PACRGL: variants seen among roughly 807,000 people sequenced by gnomAD.
PACRGL encodes PACRG-like protein.
In PACRGL, 38 loss-of-function variants were observed where a neutral mutation model predicts 34.5. That is an observed-to-expected ratio of 1.10 (90% CI 0.85 to 1.44). The LOEUF (loss-of-function observed/expected upper bound fraction) is 1.44. PACRGL is among the 40% of genes most tolerant of loss of function. The pLI, the probability that PACRGL is intolerant of heterozygous loss-of-function variation, is 0.00. For synonymous variants in PACRGL, 128 were observed against 100.1 expected (o/e 1.28, Z -1.66); for missense variants, 305 against 281.4 (o/e 1.08, Z -0.60).
At chr4:20,739,333 T>G (rs370490342) in intron 8 of PACRGL, among the ~76,000 whole-genome samples, 1 of 152,254 alleles carries the variant, frequency 6.6e-6, no homozygotes, top group African/African-American at 2.4e-5. Context: ...CACCTCCTAG[T>G]AGGGGCAGAC....
intron 3 of PACRGL, among the ~76,000 whole-genome samples, chr4:20,706,698 C>T (rs1346990760): frequency 6.6e-6 from 1 of 151,986 alleles, no homozygotes; most frequent in Non-Finnish European, 1.5e-5. Context: ...GCCTCAGCCT[C>T]CCGAGTAGCT....
intron 7 of PACRGL, among the ~76,000 whole-genome samples, chr4:20,718,657 C>A (rs1338608678): frequency 2.0e-5 from 3 of 152,188 alleles, no homozygotes; most frequent in African/African-American, 7.2e-5. Flanking sequence ...TTGAACCAGC[C>A]TTGCATCCCA....
the PACRGL span, among the ~76,000 whole-genome samples, chr4:20,763,173 A>T: frequency 6.6e-6 from 1 of 152,196 alleles, no homozygotes; most frequent in African/African-American, 2.4e-5. Context: ...CCAGTTGAAC[A>T]TACCTAACCT....
chr4:20,757,182 CA>C (rs34827538), downstream of PACRGL, among the ~76,000 whole-genome samples: 1 of 152,108 alleles, frequency 6.6e-6, no homozygotes, highest in South Asian at 2.1e-4. Context: ...CTTTATGCCA[CA>C]AAAAGTTAGT....
At chr4:20,706,607 C>T (rs1310723523) in intron 3 of PACRGL, among the ~76,000 whole-genome samples, 8 of 150,578 alleles carry the variant, frequency 5.3e-5, no homozygotes, top group Admixed American at 2.0e-4. Context: ...GACGGAATCT[C>T]GCTCCGTCGC....
At chr4:20,702,149 A>G (rs1231919781) in intron 1 of PACRGL, 1 of 456,552 alleles carries the variant, frequency 2.2e-6, no homozygotes, top group African/African-American at 2.0e-5. Context: ...AGTTTGTTAC[A>G]GGAACAACTT....
At chr4:20,714,293 C>CT (rs998379979) in intron 7 of PACRGL, among the ~76,000 whole-genome samples, 21 of 152,228 alleles carry the variant, frequency 1.4e-4, no homozygotes, top group African/African-American at 5.1e-4. Flanking sequence ...GGTTTAAAGT[C>CT]TGTTTTATCC....
At chr4:20,758,803 G>A in the PACRGL span, 26 of 1,592,894 alleles carry the variant, frequency 1.6e-5, no homozygotes, top group South Asian at 2.2e-5. Flanking sequence ...ATGTTAACAA[G>A]TCCACATTTG....
intron 4 of PACRGL, among the ~76,000 whole-genome samples, chr4:20,708,916 C>T (rs1352068649): frequency 2.0e-5 from 3 of 150,610 alleles, no homozygotes; most frequent in African/African-American, 7.4e-5. Context: ...CACCTGAGGT[C>T]AGGAGTTCGA....
rs1746951344 is a variant in PACRGL, at chr4:20,729,009, T to TAGTTGTCA, written c.*1670_*1677dup. ...CTTATTTTCTACTAAATCTTGGTAG[T>TAGTTGTCA]AGTTGTCAATGTAATGGAACCACTG... On this transcript the variant is annotated 3_prime_UTR_variant, in exon 9 of 9. Transcript: ENST00000503585. 1 of 152,326 alleles carries TAGTTGTCA rather than the reference T, an allele frequency of 6.6e-6. No homozygotes were observed. The allele number at this position is 152,326 out of a possible 1,614,324, so 9.4% of individuals were successfully genotyped here. A position where few individuals can be genotyped will look rare whatever the true frequency, so the allele number is the denominator to read the frequency against.
intron 8 of PACRGL, among the ~76,000 whole-genome samples, chr4:20,740,955 A>G (rs1260308907): frequency 6.6e-6 from 1 of 152,196 alleles, no homozygotes; most frequent in East Asian, 1.9e-4. Context: ...TAAACCAACA[A>G]AGATCAAAAC....
the PACRGL span, chr4:20,758,743 C>A: frequency 9.7e-7 from 1 of 1,027,796 alleles, no homozygotes; most frequent in South Asian, 1.4e-5. Context: ...TAGCATCATG[C>A]TATGAAAAAT....
chr4:20,759,177 A>C, the PACRGL span, among the ~76,000 whole-genome samples: 1 of 152,212 alleles, frequency 6.6e-6, no homozygotes, highest in African/African-American at 2.4e-5. Context: ...TTTATTATAA[A>C]GTAAAAGGAA....
downstream of PACRGL, among the ~76,000 whole-genome samples, chr4:20,754,376 A>G (rs999317886): frequency 3.3e-5 from 5 of 152,276 alleles, no homozygotes; most frequent in East Asian, 5.8e-4. Context: ...GGACCCATCA[A>G]TGTTACTGTT....
intron 8 of PACRGL, among the ~76,000 whole-genome samples, chr4:20,738,862 T>G (rs533810123): frequency 6.6e-6 from 1 of 152,156 alleles, no homozygotes; most frequent in African/African-American, 2.4e-5. Context: ...TGACAGATGG[T>G]ACCTGGAGAA....
chr4:20,721,109 G>A (rs1044834865), intron 7 of PACRGL, among the ~76,000 whole-genome samples: 2 of 151,894 alleles, frequency 1.3e-5, no homozygotes, highest in African/African-American at 2.4e-5. Flanking sequence ...TCTTCCACTC[G>A]ATTGAGTCGG....
chr4:20,716,659 G>T (rs1335521576), intron 7 of PACRGL, among the ~76,000 whole-genome samples: 4 of 152,152 alleles, frequency 2.6e-5, no homozygotes, highest in African/African-American at 9.7e-5. Flanking sequence ...CAAAGGACAT[G>T]AACTCATCCT....
intron 1 of PACRGL, among the ~76,000 whole-genome samples, chr4:20,702,436 A>G (rs1327261691): frequency 1.3e-5 from 2 of 152,190 alleles, no homozygotes; most frequent in Non-Finnish European, 2.9e-5. Flanking sequence ...ATGTGGTTTC[A>G]CTATTAGTAA....
intron 3 of PACRGL, among the ~76,000 whole-genome samples, chr4:20,705,639 A>C (rs1734168618): frequency 6.6e-6 from 1 of 152,078 alleles, no homozygotes; most frequent in South Asian, 2.1e-4. Context: ...TCCTTTGCTT[A>C]TGTTTAGTTG....
Sources: gnomAD v4.1 joint callset for allele counts (sites outside exome capture counted in the v4.1 genomes callset) on GRCh38, gnomAD v4.1.1 for gene constraint, MANE v1.5 for transcripts, NCBI Gene and HGNC (gene_info 2026-07-23, HGNC 2026-07-21) for gene names.